DNAH17: variants seen among roughly 807,000 people sequenced by gnomAD.
DNAH17 encodes dynein axonemal heavy chain 17, also known as axonemal beta dynein heavy chain 17.
Under a neutral mutation model 485.6 loss-of-function variants are expected in DNAH17, and 376 were observed. The observed-to-expected ratio is 0.77, with a 90% CI of 0.71 to 0.84. The LOEUF (loss-of-function observed/expected upper bound fraction) is 0.84, where lower values mean the gene tolerates loss of function less well. DNAH17 is among the 40% of genes least tolerant of loss of function. The probability of loss-of-function intolerance (pLI) is 0.00; values close to 1 mark genes in which losing one functional copy is unlikely to be tolerated. For missense variants in DNAH17, 6,370 were observed against 5,839.3 expected (o/e 1.09, Z -2.96); for synonymous variants, 3,031 against 2,405.9 (o/e 1.26, Z -7.60).
chr17:78,575,941 G>A (rs1028560984), intron 1 of DNAH17, among the ~76,000 whole-genome samples: 27 of 152,230 alleles, frequency 1.8e-4, no homozygotes, highest in African/African-American at 6.5e-4. Flanking sequence ...TGAGGTGGGG[G>A]CCTTGGAGGC....
Position 78,499,121 on chromosome 17 carries a change from G to T in DNAH17, c.5641-9C>A. The stretch of plus-strand genomic sequence containing the variant: ...TAGATATTTCCACAGGACTGGAAAG[G>T]GCGAGATGGAGAAAGGAAGAGCTGG... On this transcript the variant is annotated splice_polypyrimidine_tract_variant and intron_variant, in intron 36 of 80. Transcript: ENST00000389840. 6.4e-7 allele frequency: 1 copy of T among 1,564,576 alleles called. No homozygotes were observed. Among genetic ancestry groups the T allele is most frequent in the Middle Eastern group, 1.7e-4 (1 of 5,872 alleles).
chr17:78,440,233 C>CCGACTTCA (rs1255990201), intron 72 of DNAH17, among the ~76,000 whole-genome samples: 10 of 137,480 alleles, frequency 7.3e-5, no homozygotes, highest in South Asian at 2.5e-4. Flanking sequence ...CTGCACCTGG[C>CCGACTTCA]CGACTTCATG....
At chr17:78,534,892 G>A (rs2091333077) in intron 19 of DNAH17, among the ~76,000 whole-genome samples, 1 of 152,144 alleles carries the variant, frequency 6.6e-6, no homozygotes, top group Non-Finnish European at 1.5e-5. Flanking sequence ...GTACCCATGG[G>A]AAGCATCCCT....
At chr17:78,470,466 G>C (rs980480649) in intron 54 of DNAH17, among the ~76,000 whole-genome samples, 5 of 151,854 alleles carry the variant, frequency 3.3e-5, no homozygotes, top group African/African-American at 1.2e-4. Context: ...GAGGAGGGTG[G>C]ATCACCTGAG....
At chr17:78,524,859 T>C in intron 25 of DNAH17, 150 bp downstream of exon 25, 1 of 1,092,574 alleles carries the variant, frequency 9.2e-7, no homozygotes, top group Non-Finnish European at 1.3e-6. Flanking sequence ...CCTCGCGATC[T>C]CAGGGCCCTT....
At chr17:78,455,609 G>C in intron 63 of DNAH17, 35 bp downstream of exon 63, 4 of 1,477,288 alleles carry the variant, frequency 2.7e-6, no homozygotes, top group Non-Finnish European at 3.6e-6. Flanking sequence ...TTACAGGCGT[G>C]AGCCACCGCG....
Position 78,475,354 on chromosome 17 carries a change from C to T in DNAH17, c.8435G>A (p.Arg2812His), listed in dbSNP as rs778772093. The T allele has an allele frequency of 2.7e-5, 44 of 1,613,986 alleles. No individual in the cohort carries two copies. Among genetic ancestry groups the T allele is most frequent in the African/African-American group, 8.0e-5 (6 of 75,038 alleles). ...VGGSGKQSLS[R>H]LAAYISGLDV... ...AAGCCCGCTGATGTACGCTGCCAGG[C>T]GGGAGAGGCTCTGTTTGCCACTGCC... Residue 2812 changes from arginine to histidine, a missense_variant, in exon 54 of 81, where the codon CGC (arginine) becomes CAC (histidine). Coordinates refer to ENST00000389840, the MANE Select transcript of DNAH17 (RefSeq NM_173628.4).
At chr17:78,509,261 C>T (rs893086168) in intron 27 of DNAH17, among the ~76,000 whole-genome samples, 6 of 151,272 alleles carry the variant, frequency 4.0e-5, no homozygotes, top group Non-Finnish European at 5.9e-5. Context: ...CCACCGTGCC[C>T]GGTCCCCCGC....
intron 3 of DNAH17, among the ~76,000 whole-genome samples, chr17:78,572,188 C>T (rs1230237061): frequency 1.3e-5 from 2 of 152,140 alleles, no homozygotes; most frequent in Non-Finnish European, 2.9e-5. Flanking sequence ...ACGGGGGTCT[C>T]ACATATCAGG....
intron 9 of DNAH17, among the ~76,000 whole-genome samples, 191 bp downstream of exon 9, chr17:78,568,975 C>T (rs2092310802): frequency 6.6e-6 from 1 of 152,156 alleles, no homozygotes; most frequent in Admixed American, 6.5e-5. Flanking sequence ...CATTTTTATT[C>T]TTGGCTAACA....
At position 78,522,506 on chromosome 17, in the gene DNAH17, G is replaced by A. The variant is rs149397865; in HGVS notation, c.3864+2503C>T. On this transcript the variant is annotated intron_variant, in intron 25 of 80. Coordinates refer to ENST00000389840, the MANE Select transcript of DNAH17 (RefSeq NM_173628.4). The stretch of plus-strand genomic sequence containing the variant: ...AAGCACAAGGAGAAAGGGGCCTCAC[G>A]AGGAGGGACAAGACCCTGAAGATCT... 394 of 336,484 alleles carry A rather than the reference G, an allele frequency of 1.2e-3. 1 individual carries two copies. Among genetic ancestry groups the A allele is most frequent in the African/African-American group, 7.7e-3 (345 of 44,836 alleles). The allele number at this position is 336,484 out of a possible 1,614,324, so 20.8% of individuals were successfully genotyped here.
At position 78,449,478 on chromosome 17, in the gene DNAH17, A is replaced by C; in HGVS notation, c.11147T>G (p.Met3716Arg). ...CTCGAAGAGTCCCCGGGCCGTGTAC[A>C]TGTAGACGGAGTAGGTGATCTCGTC... Reference protein sequence around the residue: ...LTDEITYSVYMYTARGLFERD... With the variant: ...LTDEITYSVYRYTARGLFERD... Residue 3716 changes from methionine (M) to arginine (R), a missense_variant, in exon 69 of 81, where the codon ATG becomes AGG. Physicochemically the swap from Met to Arg is moderately conservative, Grantham distance 91. Transcript: ENST00000389840. 6.4e-7 allele frequency: 1 copy of C among 1,567,730 alleles called. No individual in the cohort carries two copies. Among genetic ancestry groups the C allele is most frequent in the South Asian group, 1.2e-5 (1 of 85,192 alleles).
chr17:78,466,873 T>TCC, intron 55 of DNAH17, 57 bp from the exon 56 acceptor site: 1 of 1,446,300 alleles, frequency 6.9e-7, no homozygotes, highest in Non-Finnish European at 9.2e-7. Context: ...TGGGGCCTAA[T>TCC]CCATCACTCT....
intron 34 of DNAH17, 85 bp downstream of exon 34, chr17:78,501,656 GC>G (rs2090295086): frequency 4.0e-6 from 6 of 1,501,624 alleles, no homozygotes; most frequent in South Asian, 3.7e-5. Context: ...AGAGGAAGTG[GC>G]AGGGTCTGAA....
intron 14 of DNAH17, among the ~76,000 whole-genome samples, chr17:78,553,281 G>GTTTTTTTTTTT (rs2091944110): frequency 4.8e-5 from 2 of 42,092 alleles, no homozygotes; most frequent in South Asian, 1.5e-3. Flanking sequence ...CCAGGTTTTT[G>GTTTTTTTTTTT]TGTTTTTTTT....
chr17:78,434,031 T>A lies in DNAH17; in HGVS notation c.12223A>T (p.Lys4075Ter), dbSNP rs146062924. The A allele has an allele frequency of 1.2e-6, 2 of 1,601,478 alleles. No individual in the cohort carries two copies. The highest frequency in any genetic ancestry group is 1.7e-6 in the Non-Finnish European group (2 of 1,173,080). Residue 4075 changes from lysine (K) to a stop codon, truncating the protein, a stop_gained and splice_region_variant, in exon 75 of 81, where the codon AAG becomes TAG. Transcript: ENST00000389840. LOFTEE classifies it high-confidence loss of function. ...ACAGGGCACACACAGCCCCTCACCT[T>A]GGGGTTGGCCTCCAGGTAGTTGTAG... ...VLYNYLEANP[K>*]VPWDDLRYLF...
chr17:78,564,128 C>G (rs2092218098), intron 11 of DNAH17, among the ~76,000 whole-genome samples: 1 of 152,132 alleles, frequency 6.6e-6, no homozygotes, highest in African/African-American at 2.4e-5. Flanking sequence ...TCCTGCTCCT[C>G]ACAGGGTAGG....
chr17:78,565,197 C>T (rs1394221324), intron 11 of DNAH17, among the ~76,000 whole-genome samples: 1 of 152,206 alleles, frequency 6.6e-6, no homozygotes. Flanking sequence ...TCTCCCTACA[C>T]CTGTATCTAT....
intron 25 of DNAH17, among the ~76,000 whole-genome samples, chr17:78,518,866 C>T (rs947838786): frequency 6.6e-6 from 1 of 151,990 alleles, no homozygotes; most frequent in Non-Finnish European, 1.5e-5. Flanking sequence ...AATCTCTAAA[C>T]GCTTAGAAAT....
Sources: gnomAD v4.1 joint callset for allele counts (sites outside exome capture counted in the v4.1 genomes callset) on GRCh38, gnomAD v4.1.1 for gene constraint, MANE v1.5 for transcripts, NCBI Gene and HGNC (gene_info 2026-07-23, HGNC 2026-07-21) for gene names.